Variants in GRIN3A observed in about 807,000 individuals in gnomAD.
GRIN3A encodes glutamate ionotropic receptor NMDA type subunit 3A.
Under a neutral mutation model 92.4 loss-of-function variants are expected in GRIN3A, and 47 were observed. The ratio of observed to expected loss-of-function variants is 0.51; its 90% confidence interval spans 0.40 to 0.65. GRIN3A has a LOEUF of 0.65. GRIN3A is among the 30% of genes least tolerant of loss of function. GRIN3A has a pLI of 0.00. For missense variants in GRIN3A, 1,324 were observed against 1,393.1 expected, an observed-to-expected ratio of 0.95 and a Z score of 0.79; for synonymous variants, 527 against 540.6, an observed-to-expected ratio of 0.97 and a Z score of 0.35.
At chr9:101,574,061 C>T (rs1179243588) in intron 8 of GRIN3A, among the ~76,000 whole-genome samples, 1 of 152,008 alleles carries the variant, frequency 6.6e-6, no homozygotes, top group Non-Finnish European at 1.5e-5. Flanking sequence ...CAAAGTGTTT[C>T]TTACTATAGG....
At chr9:101,573,634 A>G (rs141814949) in intron 8 of GRIN3A, 121 bp from the exon 9 acceptor site, 62 of 809,328 alleles carry the variant, frequency 7.7e-5, no homozygotes, top group Middle Eastern at 2.6e-4. Flanking sequence ...GAGATGAAGT[A>G]ACAAAGCCAT....
chr9:101,723,513 A>G (rs929717489), intron 1 of GRIN3A, among the ~76,000 whole-genome samples: 1 of 152,076 alleles, frequency 6.6e-6, no homozygotes, highest in African/African-American at 2.4e-5. Flanking sequence ...AAGCTTCCAC[A>G]GTGTGGAAAG....
intron 1 of GRIN3A, among the ~76,000 whole-genome samples, chr9:101,709,075 A>G (rs1588292632): frequency 6.6e-6 from 1 of 152,154 alleles, no homozygotes. Flanking sequence ...TTTCCTAGCC[A>G]TAACCTGTAT....
intron 6 of GRIN3A, chr9:101,594,321 CAG>C: frequency 6.8e-7 from 1 of 1,476,672 alleles, no homozygotes; most frequent in Non-Finnish European, 9.1e-7. Flanking sequence ...CCAGATAAGT[CAG>C]AGAGACAGTT....
chr9:101,608,688 T>C (rs935518423), intron 6 of GRIN3A, among the ~76,000 whole-genome samples: 4 of 152,190 alleles, frequency 2.6e-5, no homozygotes, highest in African/African-American at 7.2e-5. Flanking sequence ...AAAGTATATA[T>C]GACTATCTCC....
At chr9:101,597,276 T>C (rs560334461) in intron 6 of GRIN3A, among the ~76,000 whole-genome samples, 5 of 152,036 alleles carry the variant, frequency 3.3e-5, no homozygotes, top group African/African-American at 7.3e-5. Context: ...TTATAACATA[T>C]GGGAGCTTCC....
chr9:101,607,030 G>A (rs1172647250), intron 6 of GRIN3A, among the ~76,000 whole-genome samples: 5 of 149,518 alleles, frequency 3.3e-5, no homozygotes, highest in African/African-American at 1.2e-4. Flanking sequence ...TGTGCAGGGA[G>A]GAATGTGGGG....
Position 101,617,286 on chromosome 9 carries a change from A to G in GRIN3A, c.2615-3759T>C, listed in dbSNP as rs569612856. On this transcript the variant is annotated intron_variant, in intron 5 of 8. Coordinates refer to ENST00000361820, the MANE Select transcript of GRIN3A (RefSeq NM_133445.3). ...GAGAGGATGAAAGATGGCATCTTGAATTGGTTCTTGATTGTGATATTTTTG... is the reference window on the plus strand; with the variant it reads ...GAGAGGATGAAAGATGGCATCTTGAGTTGGTTCTTGATTGTGATATTTTTG... Among the ~76,000 whole-genome samples, 34 of 151,886 alleles carry G rather than the reference A, an allele frequency of 2.2e-4. No homozygotes were observed. In the South Asian group the frequency reaches 7.0e-3, roughly 31 times the overall value.
At chr9:101,607,255 TG>T (rs1828299235) in intron 6 of GRIN3A, among the ~76,000 whole-genome samples, 1 of 152,094 alleles carries the variant, frequency 6.6e-6, no homozygotes. Flanking sequence ...GTTCTCACAT[TG>T]GGCCAAGTAT....
At chr9:101,649,367 G>C (rs367842884) in intron 3 of GRIN3A, among the ~76,000 whole-genome samples, 2 of 151,988 alleles carry the variant, frequency 1.3e-5, no homozygotes, top group African/African-American at 4.8e-5. Flanking sequence ...CTGTGCACCA[G>C]TTGCTGCAAA....
chr9:101,621,646 A>G (rs1444259224), intron 5 of GRIN3A, among the ~76,000 whole-genome samples: 1 of 152,202 alleles, frequency 6.6e-6, no homozygotes, highest in East Asian at 1.9e-4. Context: ...AGTCTCAGGA[A>G]CACAGATGGA....
chr9:101,613,498 G>C lies in GRIN3A; in HGVS notation c.2644C>G (p.Pro882Ala). Residue 882 changes from proline to alanine, a missense_variant, in exon 6 of 9, where the codon CCA (proline) becomes GCA (alanine). Coordinates refer to ENST00000361820, the MANE Select transcript of GRIN3A (RefSeq NM_133445.3). ...GYGIGLPPNS[P>A]LTANISELIS... ...AGCTCGGATATGTTGGCGGTCAATG[G>C]AGAGTTGGGTGGGAGGCCAATGCCG... The C allele has an allele frequency of 6.2e-7, 1 of 1,614,202 alleles. No individual in the cohort carries two copies. Among genetic ancestry groups the C allele is most frequent in the Non-Finnish European group, 8.5e-7 (1 of 1,180,020 alleles).
intron 1 of GRIN3A, among the ~76,000 whole-genome samples, chr9:101,699,123 T>C (rs984586819): frequency 6.6e-6 from 1 of 152,226 alleles, no homozygotes; most frequent in East Asian, 1.9e-4. Flanking sequence ...CTTTATATCC[T>C]TATTCTATAA....
chr9:101,643,696 C>CAG, intron 3 of GRIN3A, among the ~76,000 whole-genome samples: 1 of 151,184 alleles, frequency 6.6e-6, no homozygotes, highest in African/African-American at 2.4e-5. Context: ...CACACACACA[C>CAG]CCACACGAAT....
intron 3 of GRIN3A, among the ~76,000 whole-genome samples, chr9:101,656,010 G>T (rs1052985601): frequency 6.6e-6 from 1 of 151,966 alleles, no homozygotes; most frequent in South Asian, 2.1e-4. Context: ...CTTCAGAGAA[G>T]CTGGGAAGAG....
chr9:101,624,209 A>G (rs541066869), intron 4 of GRIN3A, among the ~76,000 whole-genome samples: 1 of 151,118 alleles, frequency 6.6e-6, no homozygotes, highest in South Asian at 2.1e-4. Context: ...TTTTTTAAAA[A>G]TTTTTTTTAT....
intron 3 of GRIN3A, among the ~76,000 whole-genome samples, chr9:101,665,394 G>T (rs1410359977): frequency 6.6e-6 from 1 of 151,804 alleles, no homozygotes; most frequent in Non-Finnish European, 1.5e-5. Flanking sequence ...AGCATTAATG[G>T]GGAAGCACAG....
chr9:101,706,410 T>G (rs1642502932), intron 1 of GRIN3A, among the ~76,000 whole-genome samples: 1 of 152,224 alleles, frequency 6.6e-6, no homozygotes, highest in Admixed American at 6.5e-5. Flanking sequence ...CATGAATTTC[T>G]GACAGCTTCA....
chr9:101,723,177 G>A (rs1329924380), intron 1 of GRIN3A, among the ~76,000 whole-genome samples: 1 of 152,184 alleles, frequency 6.6e-6, no homozygotes, highest in Admixed American at 6.5e-5. Context: ...GAATGAAGCC[G>A]CGGACCCTCG....
Sources: gnomAD v4.1 joint callset for allele counts (sites outside exome capture counted in the v4.1 genomes callset) on GRCh38, gnomAD v4.1.1 for gene constraint, MANE v1.5 for transcripts, NCBI Gene and HGNC (gene_info 2026-07-23, HGNC 2026-07-21) for gene names.